CAMKK1: variants seen among roughly 807,000 people sequenced by gnomAD.
The protein encoded by CAMKK1 is calcium/calmodulin-dependent protein kinase kinase 1.
In CAMKK1, 20 loss-of-function variants were observed where a neutral mutation model predicts 63.5. The observed-to-expected ratio is 0.32, with a 90% CI of 0.22 to 0.46. The LOEUF is 0.46. Ranked by LOEUF, CAMKK1 falls within the 20% of genes least tolerant of loss-of-function variation. The pLI, the probability that CAMKK1 is intolerant of heterozygous loss-of-function variation, is 1.00. For missense variants in CAMKK1, 588 were observed against 658.1 expected (o/e 0.89, Z 1.17); for synonymous variants, 253 against 269.0 (o/e 0.94, Z 0.58).
chr17:3,871,301 G>A (rs1174330869), intron 12 of CAMKK1, among the ~76,000 whole-genome samples: 12 of 142,816 alleles, frequency 8.4e-5, no homozygotes, highest in Admixed American at 5.7e-4. Context: ...TACAAGTCCC[G>A]TTTCATTTTC....
intron 12 of CAMKK1, 112 bp from the exon 13 acceptor site, chr17:3,870,000 C>G (rs1014262135): frequency 2.9e-5 from 24 of 828,252 alleles, no homozygotes; most frequent in Non-Finnish European, 4.4e-5. Flanking sequence ...GAGTTCCGGA[C>G]AGCAGGCAGG....
intron 14 of CAMKK1, among the ~76,000 whole-genome samples, chr17:3,868,425 G>GCCCGTCTAAC: frequency 8.6e-6 from 1 of 116,748 alleles, no homozygotes; most frequent in East Asian, 3.3e-4. Context: ...GGAGACACAG[G>GCCCGTCTAAC]TGCTGCCTAA....
In CAMKK1 at chr17:3,883,196, C is replaced by CA. The variant is rs780593449; in HGVS notation, c.515-22dup. On this transcript the variant is annotated intron_variant, in intron 5 of 15. Transcript: ENST00000348335. The surrounding 1 kb of genome is among the most constrained non-coding windows in gnomAD (Gnocchi z 4.7). The stretch of plus-strand genomic sequence containing the variant: ...GCGACCTGTGACCAGGAAGAGAACT[C>CA]AAACACCTGTTCCAGGTGGCTGGGC... 3 of 1,607,588 alleles carry CA rather than the reference C, an allele frequency of 1.9e-6. No homozygotes were observed. The highest frequency in any genetic ancestry group is 2.2e-5 in the South Asian group (2 of 91,028).
At position 3,887,097 on chromosome 17, in the gene CAMKK1, C is replaced by T. The variant is rs1008772797; in HGVS notation, c.-43-1367G>A. ...ACAGATGTCAGCGAGGCAGGGCTGG[C>T]TGGAGTCCACCGGCCACTGAGGAGC... On this transcript the variant is annotated intron_variant, in intron 1 of 15. Transcript: ENST00000348335. This position sits in a 1 kb window ranked among gnomAD's most constrained non-coding sequence, Gnocchi z 6.1. 1.3e-5 allele frequency among the ~76,000 whole-genome samples: 2 copies of T among 152,154 alleles called. No homozygotes were observed. Among genetic ancestry groups the T allele is most frequent in the African/African-American group, 4.8e-5 (2 of 41,430 alleles).
chr17:3,865,111 G>A (rs2054468293), intron 15 of CAMKK1: 11 of 984,806 alleles, frequency 1.1e-5, no homozygotes, highest in Non-Finnish European at 1.1e-5. Flanking sequence ...GGACCCCACT[G>A]GTTTTCTCTC....
chr17:3,871,948 C>T (rs553808750), intron 12 of CAMKK1, among the ~76,000 whole-genome samples: 1 of 152,284 alleles, frequency 6.6e-6, no homozygotes, highest in South Asian at 2.1e-4. Context: ...ACCCGGCCTC[C>T]ATTTCACTCC....
In CAMKK1 at chr17:3,873,325, G is replaced by C. The variant is rs938026988; in HGVS notation, c.1050+84C>G. ...GTGGGCTCTTTCAAAAGCCACTTAAGGACAAAAAGGAAGAGCCTGCATCCG... is the reference window on the plus strand; with the variant it reads ...GTGGGCTCTTTCAAAAGCCACTTAACGACAAAAAGGAAGAGCCTGCATCCG... On this transcript the variant is annotated intron_variant, in intron 11 of 15. Coordinates refer to ENST00000348335, the MANE Select transcript of CAMKK1 (RefSeq NM_032294.3). 4 of 1,263,626 alleles carry C rather than the reference G, an allele frequency of 3.2e-6. No individual in the cohort carries two copies. In the Admixed American group the frequency reaches 7.2e-5, roughly 23 times the overall value. The allele number at this position is 1,263,626 out of a possible 1,614,324, so 78.3% of individuals were successfully genotyped here.
rs752475218 is a variant in CAMKK1 at position 3,880,413 on chromosome 17, A to C, written c.729T>G (p.Cys243Trp). The part of the protein sequence containing the change: ...LRKGPVMEVP[C>W]DKPFSEEQAR... ...CTTGCTCCTCCGAGAAGGGCTTGTC[A>C]CAGGGCACTTCCATGACGGGCCTAT... The change falls in exon 9 of 16, where the codon TGT (cysteine) becomes TGG (tryptophan). Residue 243 changes from cysteine (C) to tryptophan (W), a missense_variant. Transcript: ENST00000348335. The C allele has an allele frequency of 1.2e-6, 2 of 1,613,914 alleles. No homozygotes were observed. Among genetic ancestry groups the C allele is most frequent in the South Asian group, 2.2e-5 (2 of 91,020 alleles).
rs2054482583 is a variant in CAMKK1, at chr17:3,865,467, G to C, written c.1445+441C>G. ...TCCCCAGGGCCAGGCAGAGGGGCCA[G>C]CACCCCTCCTCTACAGCCCGCCAGC... On this transcript the variant is annotated intron_variant, in intron 15 of 15. Transcript: ENST00000348335. The C allele has an allele frequency of 1.9e-5, 19 of 1,006,496 alleles. 1 individual carries two copies. The South Asian group carries it at 8.1e-4, about 43-fold the overall frequency. The allele number at this position is 1,006,496 out of a possible 1,614,324, so 62.3% of individuals were successfully genotyped here.
chr17:3,881,893 A>C (rs1367962069), intron 7 of CAMKK1: 4 of 551,928 alleles, frequency 7.2e-6, no homozygotes, highest in Non-Finnish European at 1.3e-5. Flanking sequence ...GGGCCCTTTT[A>C]CAGAGGGGGA....
intron 14 of CAMKK1, among the ~76,000 whole-genome samples, chr17:3,869,246 C>G (rs183003735): frequency 6.6e-6 from 1 of 152,142 alleles, no homozygotes; most frequent in Admixed American, 6.5e-5. Flanking sequence ...CGTGAGCCAC[C>G]GCGCCCGGCC....
rs756616368 is a variant in CAMKK1 at position 3,890,988 on chromosome 17, C to G, written c.-44+1951G>C. ...ACCCCACCCTACCCCATCCTCCACA[C>G]CAGCTGCTGGAGGGATTTCCAACAT... On this transcript the variant is annotated intron_variant, in intron 1 of 15. Coordinates refer to ENST00000348335, the MANE Select transcript of CAMKK1 (RefSeq NM_032294.3). The surrounding 1 kb of genome is among the most constrained non-coding windows in gnomAD (Gnocchi z 6.5). Among the ~76,000 whole-genome samples the G allele has an allele frequency of 6.6e-6, 1 of 152,200 alleles. No individual in the cohort carries two copies. Among genetic ancestry groups the G allele is most frequent in the Non-Finnish European group, 1.5e-5 (1 of 68,038 alleles).
At position 3,861,932 on chromosome 17, in the gene CAMKK1, T is replaced by C. The variant is rs1327841664; in HGVS notation, c.*279A>G. The C allele has an allele frequency of 2.2e-6, 1 of 453,454 alleles. No homozygotes were observed. Among genetic ancestry groups the C allele is most frequent in the Non-Finnish European group, 4.0e-6 (1 of 249,316 alleles). 28.1% of individuals were successfully genotyped at this position (453,454 alleles called of 1,614,324 possible). A position where few individuals can be genotyped will look rare whatever the true frequency, so the allele number is the denominator to read the frequency against. On this transcript the variant is annotated 3_prime_UTR_variant, in exon 16 of 16. Coordinates refer to ENST00000348335, the MANE Select transcript of CAMKK1 (RefSeq NM_032294.3). Reference sequence around the variant, plus strand: ...GCCGGGTGGCATTTCTGAGGCTCCATGGGCACCCGGTTTCCCCACAGAATG... The same window carrying C: ...GCCGGGTGGCATTTCTGAGGCTCCACGGGCACCCGGTTTCCCCACAGAATG...
rs200526253 is a variant in CAMKK1 at position 3,869,588 on chromosome 17, C to T, written c.1240G>A (p.Glu414Lys). The change falls in exon 14 of 16, where the codon GAG becomes AAG. Residue 414 changes from glutamate (E) to lysine (K), a missense_variant. This residue lies in a region of CAMKK1 where 226 missense variants were observed against 229.2 expected (regional missense o/e 0.99). Transcript: ENST00000348335. ...TCCTCCTCCGAAGGAAGGGGCTCCT[C>T]CCCGTTCTTGGTCACCCAAGGGTGC... The part of the protein sequence containing the change: ...KLHPWVTKNG[E>K]EPLPSEEEHC... 34 of 1,614,232 alleles carry T rather than the reference C, an allele frequency of 2.1e-5. No individual in the cohort carries two copies. In the South Asian group the frequency reaches 2.6e-4, roughly 13 times the overall value.
At position 3,876,686 on chromosome 17, in the gene CAMKK1, A is replaced by G. The variant is rs914900141; in HGVS notation, c.797-264T>C. ...GTCCAGCACCCTCTCCATGACAAACAAGGGATCTGCTGCTGAGTGGGGAGG... is the reference window on the plus strand; with the variant it reads ...GTCCAGCACCCTCTCCATGACAAACGAGGGATCTGCTGCTGAGTGGGGAGG... On this transcript the variant is annotated intron_variant, in intron 9 of 15. Coordinates refer to ENST00000348335, the MANE Select transcript of CAMKK1 (RefSeq NM_032294.3). 2.6e-5 allele frequency among the ~76,000 whole-genome samples: 4 copies of G among 151,878 alleles called. No individual in the cohort carries two copies. The South Asian group carries it at 6.2e-4, about 24-fold the overall frequency.
chr17:3,883,994 C>T lies in CAMKK1; in HGVS notation c.409-57G>A, dbSNP rs950457774. On this transcript the variant is annotated intron_variant, in intron 3 of 15. Transcript: ENST00000348335. This position sits in a 1 kb window ranked among gnomAD's most constrained non-coding sequence, Gnocchi z 4.7. ...ACAGGGCAACCCCTCCCAGGACCAG[C>T]TCAGGAGGTGGGGAGCCGAGCAGCT... 3 of 1,569,434 alleles carry T rather than the reference C, an allele frequency of 1.9e-6. No homozygotes were observed. The African/African-American group carries it at 4.1e-5, about 21-fold the overall frequency.
chr17:3,871,347 GTT>G (rs869219931), intron 12 of CAMKK1, among the ~76,000 whole-genome samples: 30,187 of 103,468 alleles, frequency 0.29, 3,422 homozygotes, highest in Non-Finnish European at 0.37. Flanking sequence ...TTTTTTTTTT[GTT>G]TTTTTTTTTT....
At chr17:3,867,358 A>G (rs1377237618) in intron 14 of CAMKK1, among the ~76,000 whole-genome samples, 1 of 152,178 alleles carries the variant, frequency 6.6e-6, no homozygotes, top group African/African-American at 2.4e-5. Context: ...ACGGTGCACG[A>G]GCCCCGCAGA....
At position 3,879,139 on chromosome 17, in the gene CAMKK1, T is replaced by C. The variant is rs2055297026; in HGVS notation, c.796+1207A>G. ...CAAGCTAAGATTTTAGAGATGGGCA[T>C]CTCCCCTGGTCCCCAACCCACGCCA... On this transcript the variant is annotated intron_variant, in intron 9 of 15. Coordinates refer to ENST00000348335, the MANE Select transcript of CAMKK1 (RefSeq NM_032294.3). This position sits in a 1 kb window ranked among gnomAD's most constrained non-coding sequence, Gnocchi z 4.5. The C allele has an allele frequency of 6.6e-6, 1 of 152,300 alleles. No homozygotes were observed. The highest frequency in any genetic ancestry group is 6.6e-5 in the Admixed American group (1 of 15,258). The allele number at this position is 152,300 out of a possible 1,614,324, so 9.4% of individuals were successfully genotyped here. A position where few individuals can be genotyped will look rare whatever the true frequency, so the allele number is the denominator to read the frequency against.
Sources: gnomAD v4.1 joint callset for allele counts (sites outside exome capture counted in the v4.1 genomes callset) on GRCh38, gnomAD v4.1.1 for gene constraint, gnomAD v4.1.1 regional missense constraint, Gnocchi (gnomAD v3.1) non-coding constraint, MANE v1.5 for transcripts, NCBI Gene and HGNC (gene_info 2026-07-23, HGNC 2026-07-21) for gene names.